SRGAP2B: variants seen among roughly 807,000 people sequenced by gnomAD.
SRGAP2B encodes the protein SLIT-ROBO Rho GTPase activating protein 2B, also known as SLIT-ROBO Rho GTPase-activating protein 2B.
In SRGAP2B, 9 loss-of-function variants were observed where a neutral mutation model predicts 22.2. The ratio of observed to expected loss-of-function variants is 0.41; its 90% confidence interval spans 0.24 to 0.71. The LOEUF is 0.71. Ranked by LOEUF, SRGAP2B falls within the 30% of genes least tolerant of loss-of-function variation. The pLI is 0.35. For missense variants in SRGAP2B, 114 were observed against 235.8 expected, an observed-to-expected ratio of 0.48 and a Z score of 3.38; for synonymous variants, 36 against 87.4, an observed-to-expected ratio of 0.41 and a Z score of 3.28.
chr1:145,007,741 G>A (rs71661959), intron 2 of SRGAP2B, among the ~76,000 whole-genome samples: 2 of 146,780 alleles, frequency 1.4e-5, no homozygotes, highest in South Asian at 2.1e-4. Context: ...GTTAATATTT[G>A]TAAAGTTATT....
In SRGAP2B at chr1:145,080,889, C is replaced by A. The variant is rs1442504122; in HGVS notation, c.67+11946G>T. The stretch of plus-strand genomic sequence containing the variant: ...CGTATTAATAAGCAAAAATAATGAA[C>A]CCTGAAAGCTGGAAGGACCTTAGAA... On this transcript the variant is annotated intron_variant, in intron 2 of 9. Transcript: ENST00000612199. Among the ~76,000 whole-genome samples, 5 of 149,230 alleles carry A rather than the reference C, an allele frequency of 3.4e-5. 1 individual carries two copies. The South Asian group carries it at 6.3e-4, about 19-fold the overall frequency.
intron 2 of SRGAP2B, among the ~76,000 whole-genome samples, chr1:144,995,972 C>T (rs1424822033): frequency 3.3e-5 from 5 of 150,032 alleles, no homozygotes; most frequent in Non-Finnish European, 5.9e-5. Context: ...GTTGCTTAAT[C>T]TTCATAGATG....
At chr1:145,044,887 A>G (rs1649599725) in intron 2 of SRGAP2B, among the ~76,000 whole-genome samples, 1 of 149,044 alleles carries the variant, frequency 6.7e-6, no homozygotes, top group Admixed American at 6.7e-5. Flanking sequence ...CTAGAATCCT[A>G]GATTCTAGGT....
chr1:144,988,529 T>C (rs1669925372), intron 3 of SRGAP2B, among the ~76,000 whole-genome samples: 1 of 149,646 alleles, frequency 6.7e-6, no homozygotes, highest in African/African-American at 2.5e-5. Context: ...AACTATTCTC[T>C]CTCTCTTCAG....
At chr1:145,066,696 A>T (rs1258254659) in intron 2 of SRGAP2B, among the ~76,000 whole-genome samples, 2 of 151,808 alleles carry the variant, frequency 1.3e-5, no homozygotes, top group Non-Finnish European at 2.9e-5. Context: ...CCAGCCCGGG[A>T]GCACAGACGC....
intron 4 of SRGAP2B, among the ~76,000 whole-genome samples, chr1:144,944,490 G>A (rs1361593675): frequency 6.8e-6 from 1 of 146,306 alleles, no homozygotes; most frequent in East Asian, 2.0e-4. Context: ...GAGAAGCTGA[G>A]GTGGGAGGAT....
At chr1:144,995,945 A>G (rs1670644373) in intron 2 of SRGAP2B, among the ~76,000 whole-genome samples, 2 of 150,628 alleles carry the variant, frequency 1.3e-5, no homozygotes, top group East Asian at 2.0e-4. Context: ...TCACTAACAA[A>G]TATCACTCAT....
chr1:144,914,146 G>C (rs1396492406), intron 5 of SRGAP2B, among the ~76,000 whole-genome samples: 1 of 151,794 alleles, frequency 6.6e-6, no homozygotes, highest in Non-Finnish European at 1.5e-5. Context: ...TCGTCACTGA[G>C]GTTTGGCTTT....
At chr1:145,063,046 A>C (rs1257556105) in intron 2 of SRGAP2B, among the ~76,000 whole-genome samples, 3 of 150,178 alleles carry the variant, frequency 2.0e-5, no homozygotes, top group Non-Finnish European at 4.4e-5. Context: ...TTTCCCCCTG[A>C]AAATTAAATT....
intron 3 of SRGAP2B, among the ~76,000 whole-genome samples, chr1:144,973,279 C>T (rs2102023033): frequency 6.8e-6 from 1 of 147,074 alleles, no homozygotes; most frequent in Non-Finnish European, 1.5e-5. Flanking sequence ...TTTAAAGTCA[C>T]TGCTCCAGAG....
exon 10 of SRGAP2B, chr1:144,891,703 C>CT (rs1178100183): frequency 1.0e-5 from 1 of 98,234 alleles, no homozygotes; most frequent in East Asian, 2.7e-4. Context: ...ATTACCCATC[C>CT]TTTAAGTTTT....
chr1:144,994,809 C>T (rs1483030347), intron 3 of SRGAP2B, among the ~76,000 whole-genome samples, 199 bp downstream of exon 3: 42 of 150,382 alleles, frequency 2.8e-4, no homozygotes, highest in Non-Finnish European at 5.0e-4. Flanking sequence ...TAGCATGGTT[C>T]ATCATCTACT....
In SRGAP2B at chr1:145,009,007, T is replaced by TA. The variant is rs368977396; in HGVS notation, c.68-13808dup. Among the ~76,000 whole-genome samples, 380 of 143,950 alleles carry TA rather than the reference T, an allele frequency of 2.6e-3. 7 individuals carry two copies. Among genetic ancestry groups the TA allele is most frequent in the South Asian group, 9.4e-3 (43 of 4,584 alleles). 94.4% of individuals were successfully genotyped at this position (143,950 alleles called of 152,430 possible). ...TAACACAGTGAAACCCCGTCTCTAC[T>TA]AAAAAAAAAATACAAAAAAAGTAGC... On this transcript the variant is annotated intron_variant, in intron 2 of 9. Coordinates refer to ENST00000612199, the Ensembl canonical transcript of SRGAP2B.
chr1:144,920,533 A>T lies in SRGAP2B; in HGVS notation c.424-5779T>A, dbSNP rs1487356864. Among the ~76,000 whole-genome samples, 3 of 149,888 alleles carry T rather than the reference A, an allele frequency of 2.0e-5. No individual in the cohort carries two copies. In the East Asian group the frequency reaches 5.8e-4, roughly 29 times the overall value. The stretch of plus-strand genomic sequence containing the variant: ...AACAATCCTCCTGCCTCAGCTTCCC[A>T]AGTAGCTGGTAACAGGCATGCTTGG... On this transcript the variant is annotated intron_variant, in intron 4 of 9. Coordinates refer to ENST00000612199, the Ensembl canonical transcript of SRGAP2B.
chr1:144,988,999 C>CTTTTTTTTTT (rs3062880), intron 3 of SRGAP2B, among the ~76,000 whole-genome samples: 36 of 55,092 alleles, frequency 6.5e-4, no homozygotes, highest in Admixed American at 7.7e-4. Flanking sequence ...ACTCCCCCCA[C>CTTTTTTTTTT]TTTTTTTTTT....
At chr1:144,905,509 CT>C (rs1431590912) in intron 6 of SRGAP2B, among the ~76,000 whole-genome samples, 2 of 149,048 alleles carry the variant, frequency 1.3e-5, no homozygotes, top group Admixed American at 6.7e-5. Flanking sequence ...TACCACTACT[CT>C]TGCCCCTGAA....
At chr1:144,973,428 GAGA>G (rs1215653427) in intron 3 of SRGAP2B, among the ~76,000 whole-genome samples, 7 of 125,526 alleles carry the variant, frequency 5.6e-5, no homozygotes, top group Non-Finnish European at 1.1e-4. Context: ...TTCTAAAGAA[GAGA>G]AGGAGGGAGG....
exon 3 of SRGAP2B, chr1:144,995,039 T>G (rs1670565892): frequency 6.5e-7 from 1 of 1,544,784 alleles, no homozygotes; most frequent in Non-Finnish European, 8.7e-7. Flanking sequence ...CTGCATGTCT[T>G]GGCCAGGAAG....
intron 3 of SRGAP2B, among the ~76,000 whole-genome samples, chr1:144,993,339 G>C (rs1279295943): frequency 6.6e-6 from 1 of 150,904 alleles, no homozygotes; most frequent in Non-Finnish European, 1.5e-5. Flanking sequence ...GACTGGAGTA[G>C]GACCTGAGAT....
Sources: gnomAD v4.1 joint callset for allele counts (sites outside exome capture counted in the v4.1 genomes callset) on GRCh38, gnomAD v4.1.1 for gene constraint, MANE v1.5 for transcripts, NCBI Gene and HGNC (gene_info 2026-07-23, HGNC 2026-07-21) for gene names.